Variants in ANO6 observed in about 807,000 individuals in gnomAD.
ANO6 encodes the protein anoctamin-6.
A neutral mutation model predicts 117.5 loss-of-function variants in ANO6; 106 were observed. The ratio of observed to expected loss-of-function variants is 0.90; its 90% CI spans 0.77 to 1.06. The LOEUF is 1.06. Among genes scored for constraint, ANO6 ranks in the 50% least tolerant of loss-of-function variants. The probability of loss-of-function intolerance (pLI) is 0.00; values close to 1 mark genes in which losing one functional copy is unlikely to be tolerated. For synonymous variants in ANO6, 367 were observed against 385.1 expected, an observed-to-expected ratio of 0.95 and a Z score of 0.55; for missense variants, 955 against 1,121.1, an observed-to-expected ratio of 0.85 and a Z score of 2.12.
In ANO6 at chr12:45,221,877, C is replaced by CTTT. The variant is rs71093866; in HGVS notation, c.70+5504_70+5506dup. On this transcript the variant is annotated intron_variant, in intron 1 of 19. Transcript: ENST00000320560. ...TCAGACCATTCTCCCTCCCCGACTC[C>CTTT]TTTTTTTTTTTTTTTTTTTTGGGAG... Among the ~76,000 whole-genome samples, 10 of 124,792 alleles carry CTTT rather than the reference C, an allele frequency of 8.0e-5. 1 individual carries two copies. In the South Asian group the frequency reaches 2.1e-3, roughly 26 times the overall value. The allele number at this position is 124,792 out of a possible 152,430, so 81.9% of individuals were successfully genotyped here. A position where few individuals can be genotyped will look rare whatever the true frequency, so the allele number is the denominator to read the frequency against.
At chr12:45,381,612 A>G (rs1325546158) in intron 10 of ANO6, among the ~76,000 whole-genome samples, 1 of 152,188 alleles carries the variant, frequency 6.6e-6, no homozygotes, top group Non-Finnish European at 1.5e-5. Context: ...TGAGTGAAAT[A>G]AGGAACTAAA....
At chr12:45,249,921 T>TA (rs1034152923) in intron 1 of ANO6, among the ~76,000 whole-genome samples, 3 of 152,240 alleles carry the variant, frequency 2.0e-5, no homozygotes, top group African/African-American at 7.2e-5. Context: ...CTAATGTGCT[T>TA]AATGAGAATG....
At chr12:45,325,688 CTA>C (rs1340905277) in intron 2 of ANO6, among the ~76,000 whole-genome samples, 2 of 152,050 alleles carry the variant, frequency 1.3e-5, no homozygotes, top group African/African-American at 4.8e-5. Flanking sequence ...CATTTATTGA[CTA>C]TTTATTGTTC....
intron 1 of ANO6, among the ~76,000 whole-genome samples, chr12:45,233,148 C>A (rs1237976928): frequency 2.0e-5 from 3 of 152,118 alleles, no homozygotes; most frequent in Admixed American, 6.5e-5. Flanking sequence ...GGAGTCACAA[C>A]CAAGCACGTA....
At chr12:45,230,293 GAT>G (rs1947555235) in intron 1 of ANO6, among the ~76,000 whole-genome samples, 1 of 152,010 alleles carries the variant, frequency 6.6e-6, no homozygotes. Context: ...AGAGCTATGT[GAT>G]ATGACTGAAA....
intron 17 of ANO6, among the ~76,000 whole-genome samples, chr12:45,420,432 A>G (rs916693094): frequency 2.6e-5 from 4 of 152,032 alleles, no homozygotes; most frequent in Non-Finnish European, 4.4e-5. Context: ...GCTAGACAAC[A>G]TAGTAAGACC....
At chr12:45,422,920 A>C (rs1205690563) in intron 18 of ANO6, 37 bp from the exon 19 acceptor site, 2 of 1,463,620 alleles carry the variant, frequency 1.4e-6, no homozygotes, top group East Asian at 4.5e-5. Flanking sequence ...TCAGTCAAAA[A>C]GATTTGTCTC....
At chr12:45,420,337 T>C (rs1046969443) in intron 17 of ANO6, among the ~76,000 whole-genome samples, 2 of 152,140 alleles carry the variant, frequency 1.3e-5, no homozygotes, top group African/African-American at 2.4e-5. Flanking sequence ...GCAAGTCTTC[T>C]AGGCTGAGAT....
chr12:45,424,826 A>G (rs989510260), intron 19 of ANO6, among the ~76,000 whole-genome samples: 1 of 152,148 alleles, frequency 6.6e-6, no homozygotes, highest in African/African-American at 2.4e-5. Context: ...ACAGGGCTGC[A>G]TTTGCCTCAG....
rs1390522337 is a variant in ANO6, at chr12:45,431,497, C to T, written c.*2186C>T. 1.7e-5 allele frequency: 17 copies of T among 985,360 alleles called. No homozygotes were observed. The highest frequency in any genetic ancestry group is 2.0e-5 in the Non-Finnish European group (17 of 829,936). 61.0% of individuals were successfully genotyped at this position (985,360 alleles called of 1,614,324 possible). ...TTTCATAGCCCCAGCAGAGAAAATC[C>T]TCTTCATAGATTAAATGTGCTGCTG... On this transcript the variant is annotated 3_prime_UTR_variant, in exon 20 of 20. Transcript: ENST00000320560.
At chr12:45,403,044 A>G in intron 13 of ANO6, 28 bp from the exon 14 acceptor site, 1 of 1,610,290 alleles carries the variant, frequency 6.2e-7, no homozygotes, top group Non-Finnish European at 8.5e-7. Context: ...CAATTTTAAA[A>G]TCTTATTTCT....
intron 2 of ANO6, among the ~76,000 whole-genome samples, chr12:45,324,706 G>A (rs575528955): frequency 6.6e-6 from 1 of 152,268 alleles, no homozygotes; most frequent in Middle Eastern, 3.4e-3. Flanking sequence ...TGTCACTATG[G>A]GAGTGACAGA....
At chr12:45,269,570 A>G (rs886718435) in intron 1 of ANO6, among the ~76,000 whole-genome samples, 2 of 152,230 alleles carry the variant, frequency 1.3e-5, no homozygotes, top group South Asian at 2.1e-4. Context: ...TTAGTTCACC[A>G]TTGCCTAATA....
chr12:45,252,929 A>G (rs1237806910), intron 1 of ANO6, among the ~76,000 whole-genome samples: 9 of 152,202 alleles, frequency 5.9e-5, no homozygotes, highest in African/African-American at 2.2e-4. Context: ...CCTTCACACA[A>G]CAGGGAATTG....
chr12:45,381,475 G>A (rs1413347576), intron 10 of ANO6, among the ~76,000 whole-genome samples: 1 of 152,174 alleles, frequency 6.6e-6, no homozygotes, highest in Middle Eastern at 3.2e-3. Flanking sequence ...TCACCCCAGG[G>A]CTTGGTGCCC....
In ANO6 at chr12:45,336,900, G is replaced by GC. The variant is rs1940842096; in HGVS notation, c.279+5481dup. ...AGATGACAGCTCTATTTCTGTTCCT[G>GC]CCCCTGAAGACCTTCCAGTGAGACA... On this transcript the variant is annotated intron_variant, in intron 3 of 19. Transcript: ENST00000320560. Among the ~76,000 whole-genome samples, 5 of 152,144 alleles carry GC rather than the reference G, an allele frequency of 3.3e-5. No individual in the cohort carries two copies. In the South Asian group the frequency reaches 1.0e-3, roughly 32 times the overall value.
intron 6 of ANO6, 64 bp downstream of exon 6, chr12:45,348,695 A>T: frequency 8.3e-7 from 1 of 1,205,064 alleles, no homozygotes; most frequent in Non-Finnish European, 1.2e-6. Flanking sequence ...ACAATAGCAA[A>T]GGGCTAACTT....
At chr12:45,374,115 A>C (rs1234344189) in intron 9 of ANO6, among the ~76,000 whole-genome samples, 7 of 148,610 alleles carry the variant, frequency 4.7e-5, no homozygotes, top group African/African-American at 1.5e-4. Flanking sequence ...GAAATGGATA[A>C]ATTCCTCGAC....
At chr12:45,387,574 C>T (rs1034157255) in intron 10 of ANO6, among the ~76,000 whole-genome samples, 1 of 152,184 alleles carries the variant, frequency 6.6e-6, no homozygotes, top group African/African-American at 2.4e-5. Context: ...CATCACATTG[C>T]CTTTCCCAGC....
Sources: gnomAD v4.1 joint callset for allele counts (sites outside exome capture counted in the v4.1 genomes callset) on GRCh38, gnomAD v4.1.1 for gene constraint, MANE v1.5 for transcripts, NCBI Gene and HGNC (gene_info 2026-07-23, HGNC 2026-07-21) for gene names.